The following LATS2 variants were observed in gnomAD, a reference collection of about 807,000 sequenced individuals.
LATS2 encodes serine/threonine-protein kinase LATS2.
LATS2 carries 24 observed loss-of-function variants against 76.0 expected under a neutral mutation model. The observed-to-expected ratio is 0.32, with a 90% confidence interval of 0.23 to 0.44. The LOEUF is 0.44. Ranked by LOEUF, LATS2 falls within the 20% of genes least tolerant of loss-of-function variation. LATS2 has a pLI of 1.00. For missense variants in LATS2, 1,286 were observed against 1,481.2 expected (o/e 0.87, Z 2.16); for synonymous variants, 692 against 635.4 (o/e 1.09, Z -1.34).
intron 1 of LATS2, among the ~76,000 whole-genome samples, chr13:21,058,177 G>C (rs1237832301): frequency 2.0e-5 from 3 of 152,196 alleles, no homozygotes; most frequent in African/African-American, 7.2e-5. Flanking sequence ...ATTTAGTCAA[G>C]ACAGAGTCAA....
rs1359960665 is a variant in LATS2, at chr13:21,040,507, C to G, written c.342+5178G>C. ...GTAAAAAGGAATCTGAGTGGAATCA[C>G]AGAAGCTACTAGAATCCAGATAGGT... On this transcript the variant is annotated intron_variant, in intron 2 of 7. Transcript: ENST00000382592. Among the ~76,000 whole-genome samples the G allele has an allele frequency of 3.9e-5, 6 of 152,154 alleles. No individual in the cohort carries two copies. In the East Asian group the frequency reaches 5.8e-4, roughly 15 times the overall value.
intron 2 of LATS2, among the ~76,000 whole-genome samples, chr13:21,021,837 G>A (rs761947403): frequency 1.3e-5 from 2 of 152,190 alleles, no homozygotes; most frequent in Non-Finnish European, 2.9e-5. Flanking sequence ...AGAGCCCCAG[G>A]GCACCTTTCA....
rs1455111971 is a variant in LATS2 at position 21,006,041 on chromosome 13, G to A, written c.343-14637C>T. Among the ~76,000 whole-genome samples, 5 of 152,150 alleles carry A rather than the reference G, an allele frequency of 3.3e-5. No homozygotes were observed. In the East Asian group the frequency reaches 9.7e-4, roughly 29 times the overall value. On this transcript the variant is annotated intron_variant, in intron 2 of 7. Transcript: ENST00000382592. The stretch of plus-strand genomic sequence containing the variant: ...AATCCCAGCTACTCGGGAGGCTGAG[G>A]CAGGAGAATCGCTGGAACCCGGAAG...
intron 2 of LATS2, among the ~76,000 whole-genome samples, chr13:20,998,242 T>C (rs1870847884): frequency 6.6e-6 from 1 of 152,038 alleles, no homozygotes; most frequent in Non-Finnish European, 1.5e-5. Flanking sequence ...TAGTTCCAGC[T>C]TCATGGGAGG....
At position 21,004,880 on chromosome 13, in the gene LATS2, A is replaced by C. The variant is rs548195869; in HGVS notation, c.343-13476T>G. ...GTTTGTACAAGTCACCAGGAAAATA[A>C]GTAATTACACAAAATCCACAGGGGG... On this transcript the variant is annotated intron_variant, in intron 2 of 7. Transcript: ENST00000382592. Among the ~76,000 whole-genome samples, 16 of 152,340 alleles carry C rather than the reference A, an allele frequency of 1.1e-4. No individual in the cohort carries two copies. The South Asian group carries it at 2.5e-3, about 24-fold the overall frequency.
At chr13:21,051,082 C>T (rs1205041193) in intron 1 of LATS2, among the ~76,000 whole-genome samples, 4 of 152,204 alleles carry the variant, frequency 2.6e-5, no homozygotes, top group Non-Finnish European at 4.4e-5. Context: ...ACGCATACGC[C>T]GTGTCAGGGG....
chr13:21,003,444 CTT>C (rs60233146), intron 2 of LATS2, among the ~76,000 whole-genome samples: 62 of 142,540 alleles, frequency 4.3e-4, no homozygotes, highest in Non-Finnish European at 3.7e-4. Context: ...CTTTTTTTTC[CTT>C]TTTTTTTTTT....
intron 2 of LATS2, among the ~76,000 whole-genome samples, chr13:21,038,849 C>T (rs1459681431): frequency 6.6e-6 from 1 of 152,168 alleles, no homozygotes; most frequent in Admixed American, 6.5e-5. Flanking sequence ...CGTGGTGGTG[C>T]ATGCCTGTAA....
At chr13:21,054,477 G>C (rs751051817) in intron 1 of LATS2, among the ~76,000 whole-genome samples, 28 of 152,062 alleles carry the variant, frequency 1.8e-4, no homozygotes, top group Non-Finnish European at 3.2e-4. Context: ...CTAGGGACTG[G>C]GTAGGATATA....
chr13:21,005,092 T>G (rs1012313069), intron 2 of LATS2: 1 of 152,184 alleles, frequency 6.6e-6, no homozygotes, highest in Non-Finnish European at 1.5e-5. Flanking sequence ...TGGGAACCAT[T>G]AGTCAAGAGG....
chr13:20,999,969 G>T (rs1030441445), intron 2 of LATS2, among the ~76,000 whole-genome samples: 1 of 152,024 alleles, frequency 6.6e-6, no homozygotes, highest in African/African-American at 2.4e-5. Context: ...GGCGGAGGTT[G>T]CAGTGAGTCA....
chr13:21,037,192 G>C (rs1872710726), intron 2 of LATS2, among the ~76,000 whole-genome samples: 1 of 152,308 alleles, frequency 6.6e-6, no homozygotes, highest in Non-Finnish European at 1.5e-5. Context: ...ATCACCTGAG[G>C]TCAGGAGTTC....
At chr13:21,051,016 G>A (rs1873257969) in intron 1 of LATS2, among the ~76,000 whole-genome samples, 1 of 152,202 alleles carries the variant, frequency 6.6e-6, no homozygotes, top group South Asian at 2.1e-4. Context: ...GAAAGAAATG[G>A]TCTTAGTGCA....
At chr13:21,042,217 T>C (rs1872902039) in intron 2 of LATS2, among the ~76,000 whole-genome samples, 1 of 152,212 alleles carries the variant, frequency 6.6e-6, no homozygotes, top group Admixed American at 6.5e-5. Context: ...TCATTTGACA[T>C]ACACATTATA....
At chr13:20,982,696 T>C (rs951744899) in intron 5 of LATS2, among the ~76,000 whole-genome samples, 12 of 151,860 alleles carry the variant, frequency 7.9e-5, no homozygotes, top group African/African-American at 2.9e-4. Context: ...GCCTACTGTC[T>C]TAAAAATATA....
chr13:21,026,098 C>G (rs986494433), intron 2 of LATS2, among the ~76,000 whole-genome samples: 3 of 152,138 alleles, frequency 2.0e-5, no homozygotes, highest in Admixed American at 6.5e-5. Flanking sequence ...CCATCGGATG[C>G]CCCACCCTCC....
chr13:21,025,377 A>C (rs1872269362), intron 2 of LATS2, among the ~76,000 whole-genome samples: 1 of 139,632 alleles, frequency 7.2e-6, no homozygotes, highest in African/African-American at 2.8e-5. Context: ...GGGCGACAAG[A>C]GTGAGACTCC....
At chr13:21,008,321 C>G (rs1871439934) in intron 2 of LATS2, among the ~76,000 whole-genome samples, 1 of 152,010 alleles carries the variant, frequency 6.6e-6, no homozygotes, top group Admixed American at 6.6e-5. Context: ...CTCCAGACTA[C>G]AGCCTTGGGC....
chr13:21,016,128 T>TATA (rs1187086282), intron 2 of LATS2, among the ~76,000 whole-genome samples: 1 of 151,502 alleles, frequency 6.6e-6, no homozygotes, highest in Admixed American at 6.6e-5. Context: ...TAGCTGAGAT[T>TATA]ATAGGCACTC....
Sources: gnomAD v4.1 joint callset for allele counts (sites outside exome capture counted in the v4.1 genomes callset) on GRCh38, gnomAD v4.1.1 for gene constraint, MANE v1.5 for transcripts, NCBI Gene and HGNC (gene_info 2026-07-23, HGNC 2026-07-21) for gene names.